Variants in UBR4 observed in about 807,000 individuals in gnomAD.
UBR4 encodes E3 ubiquitin-protein ligase UBR4.
In UBR4, 124 loss-of-function variants were observed where a neutral mutation model predicts 575.6. That is an observed-to-expected ratio of 0.22 (90% CI 0.19 to 0.25). UBR4 has a LOEUF of 0.25. UBR4 is among the 10% of genes least tolerant of loss of function. The pLI is 1.00. For missense variants in UBR4, 4,818 were observed against 6,478.8 expected, an observed-to-expected ratio of 0.74 and a Z score of 8.80; for synonymous variants, 2,455 against 2,473.7, an observed-to-expected ratio of 0.99 and a Z score of 0.22.
At chr1:19,189,303 C>A (rs889610397) in intron 11 of UBR4, among the ~76,000 whole-genome samples, 1 of 152,148 alleles carries the variant, frequency 6.6e-6, no homozygotes, top group African/African-American at 2.4e-5. Flanking sequence ...ATATGTGAGC[C>A]CTTTGTCCTA....
rs112893062 is a variant in UBR4 at position 19,126,399 on chromosome 1, G to A, written c.9438+47C>T. ...CTGCACCGCGAGGAAAGAGAAGAGT[G>A]CTCTGAACAAAGGACGAGTGTTTCT... On this transcript the variant is annotated intron_variant, in intron 64 of 105. Coordinates refer to ENST00000375254, the MANE Select transcript of UBR4 (RefSeq NM_020765.3). The A allele has an allele frequency of 5.2e-4, 838 of 1,609,356 alleles. 16 individuals carry two copies. In the South Asian group the frequency reaches 6.8e-3, roughly 13 times the overall value.
chr1:19,156,647 T>C (rs959787600), intron 41 of UBR4, 120 bp downstream of exon 41: 76 of 1,432,784 alleles, frequency 5.3e-5, no homozygotes, highest in Non-Finnish European at 6.6e-5. Context: ...CTTTTGCATT[T>C]CAGTAGGTTT....
chr1:19,099,810 A>G, intron 89 of UBR4, 133 bp from the exon 90 acceptor site: 1 of 704,074 alleles, frequency 1.4e-6, no homozygotes, highest in Non-Finnish European at 2.3e-6. Flanking sequence ...CAACTCTCCC[A>G]CTCTTAAAAA....
chr1:19,186,802 T>C, intron 13 of UBR4, 145 bp from the exon 14 acceptor site: 1 of 704,300 alleles, frequency 1.4e-6, no homozygotes, highest in Non-Finnish European at 2.3e-6. Flanking sequence ...CTTTCATCAC[T>C]TTACCCTACA....
rs191383875 is a variant in UBR4 at position 19,183,512 on chromosome 1, A to G, written c.2184+299T>C. Among the ~76,000 whole-genome samples, 19 of 152,322 alleles carry G rather than the reference A, an allele frequency of 1.2e-4. No individual in the cohort carries two copies. The East Asian group carries it at 3.7e-3, about 29-fold the overall frequency. On this transcript the variant is annotated intron_variant, in intron 17 of 105. Transcript: ENST00000375254. Reference sequence around the variant, plus strand: ...TGAGGCGGGCGGATCACCTGAGGTCAGGAGTTTGAGACCAGCCTGGCCAAC... The same window carrying G: ...TGAGGCGGGCGGATCACCTGAGGTCGGGAGTTTGAGACCAGCCTGGCCAAC...
chr1:19,143,228 AAGGAAGGC>A (rs796409983), intron 55 of UBR4, among the ~76,000 whole-genome samples: 3,068 of 106,512 alleles, frequency 0.029, 56 homozygotes, highest in Admixed American at 0.044. Flanking sequence ...GGAAGGAAGG[AAGGAAGGC>A]AGGAAGGAAG....
chr1:19,194,089 A>G (rs560596346), intron 8 of UBR4, among the ~76,000 whole-genome samples: 1 of 152,222 alleles, frequency 6.6e-6, no homozygotes, highest in Non-Finnish European at 1.5e-5. Flanking sequence ...TAGTGAAACT[A>G]TTTTGTACAA....
rs769460767 is a variant in UBR4, at chr1:19,105,730, T to C, written c.12503+3A>G. ...CGCTCCTCATCCCACTCCCAAATGG[T>C]ACCTGGTAAGCAGGTCCAGGACCTG... On this transcript the variant is annotated splice_donor_region_variant and intron_variant, in intron 84 of 105. Coordinates refer to ENST00000375254, the MANE Select transcript of UBR4 (RefSeq NM_020765.3). 6.3e-7 allele frequency: 1 copy of C among 1,581,602 alleles called. No individual in the cohort carries two copies. The highest frequency in any genetic ancestry group is 1.2e-5 in the South Asian group (1 of 85,662).
intron 92 of UBR4, 44 bp downstream of exon 92, chr1:19,096,479 A>G (rs1451993670): frequency 1.9e-6 from 3 of 1,597,356 alleles, no homozygotes; most frequent in Non-Finnish European, 2.6e-6. Context: ...GGCCTCTCCC[A>G]GTGCAGAAAG....
Position 19,148,548 on chromosome 1 carries a change from G to A in UBR4, c.7494+15C>T, listed in dbSNP as rs1004145511. On this transcript the variant is annotated intron_variant, in intron 50 of 105. Coordinates refer to ENST00000375254, the MANE Select transcript of UBR4 (RefSeq NM_020765.3). ...TCTTCAGAAAGCTTCCATGTGCTTT[G>A]AAAAAGTGACTTGCCTTCTCGATGA... 6.8e-6 allele frequency: 11 copies of A among 1,614,078 alleles called. No homozygotes were observed. In the African/African-American group the frequency reaches 1.5e-4, roughly 22 times the overall value.
In UBR4 at chr1:19,187,424, G is replaced by T. The variant is rs1027607397; in HGVS notation, c.1494+17C>A. 7 of 1,613,622 alleles carry T rather than the reference G, an allele frequency of 4.3e-6. No individual in the cohort carries two copies. The African/African-American group carries it at 9.3e-5, about 22-fold the overall frequency. On this transcript the variant is annotated intron_variant, in intron 12 of 105. Coordinates refer to ENST00000375254, the MANE Select transcript of UBR4 (RefSeq NM_020765.3). The stretch of plus-strand genomic sequence containing the variant: ...CCGCAATCAATATGCTGATTACCAT[G>T]GGGATAACCTCCTCACCTTGTGAAG...
chr1:19,115,526 T>G lies in UBR4; in HGVS notation c.10935A>C (p.Ala3645=), dbSNP rs2080415973. 6.2e-7 allele frequency: 1 copy of G among 1,614,206 alleles called. No individual in the cohort carries two copies. The highest frequency in any genetic ancestry group is 8.5e-7 in the Non-Finnish European group (1 of 1,180,032). The part of the protein sequence containing the change: ...IVASNLMIEF[A]DFYENYQAST... ...AGGCCTGGTAGTTTTCATAGAAGTC[T>G]GCAAACTCAATCATCAGATTGGAGG... Residue 3645 remains alanine (A), a synonymous_variant, in exon 74 of 106, where the codon GCA becomes GCC. Coordinates refer to ENST00000375254, the MANE Select transcript of UBR4 (RefSeq NM_020765.3).
intron 81 of UBR4, 92 bp from the exon 82 acceptor site, chr1:19,107,058 T>C (rs1386065930): frequency 1.3e-6 from 2 of 1,538,204 alleles, no homozygotes; most frequent in Non-Finnish European, 8.8e-7. Context: ...CAGGGGGTGA[T>C]GTGCAAAGGC....
At chr1:19,162,690 T>C in intron 34 of UBR4, 79 bp from the exon 35 acceptor site, 2 of 1,456,076 alleles carry the variant, frequency 1.4e-6, no homozygotes, top group African/African-American at 2.8e-5. Context: ...CTTTTTCAAA[T>C]AAAGCTCAAG....
chr1:19,196,987 T>C (rs1287007969), intron 8 of UBR4, among the ~76,000 whole-genome samples, 154 bp downstream of exon 8: 8 of 152,218 alleles, frequency 5.3e-5, no homozygotes, highest in East Asian at 3.8e-4. Context: ...AAGATTCCTA[T>C]TGAGACCTCA....
chr1:19,175,757 G>A (rs754561063), intron 20 of UBR4, among the ~76,000 whole-genome samples: 3 of 152,078 alleles, frequency 2.0e-5, no homozygotes, highest in Non-Finnish European at 2.9e-5. Context: ...GGCCAGACAC[G>A]AGGATTCTGA....
chr1:19,178,759 C>T (rs1338219772), intron 18 of UBR4, among the ~76,000 whole-genome samples: 1 of 152,214 alleles, frequency 6.6e-6, no homozygotes, highest in Non-Finnish European at 1.5e-5. Flanking sequence ...GGCTTCCCTG[C>T]TTGTCTTTCA....
intron 17 of UBR4, 68 bp from the exon 18 acceptor site, chr1:19,179,288 G>T: frequency 1.4e-6 from 2 of 1,415,450 alleles, no homozygotes; most frequent in Non-Finnish European, 1.9e-6. Flanking sequence ...GGTTACTCAT[G>T]TTCTCAAACG....
At chr1:19,181,957 C>T (rs1557940932) in intron 17 of UBR4, among the ~76,000 whole-genome samples, 1 of 152,136 alleles carries the variant, frequency 6.6e-6, no homozygotes, top group Non-Finnish European at 1.5e-5. Context: ...ACACCAAGTC[C>T]CCATTTTCCC....
Sources: gnomAD v4.1 joint callset for allele counts (sites outside exome capture counted in the v4.1 genomes callset) on GRCh38, gnomAD v4.1.1 for gene constraint, MANE v1.5 for transcripts, NCBI Gene and HGNC (gene_info 2026-07-23, HGNC 2026-07-21) for gene names.